The following SPMIP4 variants were observed in gnomAD, a reference collection of about 807,000 sequenced individuals.
SPMIP4 encodes sperm microtubule inner protein 4.
At chr7:25,168,373 T>G in the SPMIP4 span, 2 of 1,613,582 alleles carry the variant, frequency 1.2e-6, no homozygotes, top group Admixed American at 3.3e-5. Context: ...CCTGTGGTCC[T>G]CGGGGAGTGA....
chr7:25,154,794 A>G, the SPMIP4 span, among the ~76,000 whole-genome samples: 88,235 of 151,944 alleles, frequency 0.58, 25,903 homozygotes, highest in Middle Eastern at 0.64. Flanking sequence ...AGGCTGTGTC[A>G]AGGGGAAAGT....
chr7:25,171,710 C>T, the SPMIP4 span, among the ~76,000 whole-genome samples: 2 of 152,158 alleles, frequency 1.3e-5, no homozygotes, highest in African/African-American at 2.4e-5. Flanking sequence ...TAGGGCAGGG[C>T]TGATCCTGGC....
chr7:25,173,232 A>G, the SPMIP4 span, among the ~76,000 whole-genome samples: 2 of 152,170 alleles, frequency 1.3e-5, no homozygotes, highest in African/African-American at 4.8e-5. The surrounding 1 kb of genome is among the most constrained non-coding windows in gnomAD (Gnocchi z 4.4). Context: ...CCCACCTGTA[A>G]TAATTGTTGA....
At chr7:25,128,432 T>C in the SPMIP4 span, among the ~76,000 whole-genome samples, 1 of 152,200 alleles carries the variant, frequency 6.6e-6, no homozygotes, top group Non-Finnish European at 1.5e-5. This position sits in a 1 kb window ranked among gnomAD's most constrained non-coding sequence, Gnocchi z 4.5. Flanking sequence ...ATTCTCACTC[T>C]TCCCTCCTCT....
At chr7:25,146,894 C>A in the SPMIP4 span, among the ~76,000 whole-genome samples, 2 of 152,226 alleles carry the variant, frequency 1.3e-5, no homozygotes, top group Non-Finnish European at 2.9e-5. Context: ...AGAGACTATT[C>A]TCATATCCTA....
the SPMIP4 span, chr7:25,142,634 T>C: frequency 6.2e-7 from 1 of 1,602,558 alleles, no homozygotes; most frequent in East Asian, 2.2e-5. Flanking sequence ...GAAAGTGAAC[T>C]CATACCTGTA....
chr7:25,147,754 T>C, the SPMIP4 span, among the ~76,000 whole-genome samples: 1 of 152,244 alleles, frequency 6.6e-6, no homozygotes, highest in African/African-American at 2.4e-5. Context: ...ATAATACCGA[T>C]AGCAGCTAAT....
At chr7:25,150,824 T>G in the SPMIP4 span, among the ~76,000 whole-genome samples, 1 of 152,212 alleles carries the variant, frequency 6.6e-6, no homozygotes, top group African/African-American at 2.4e-5. Context: ...AGGAGGTTAT[T>G]GAAAGGGTTA....
At chr7:25,130,382 G>A in the SPMIP4 span, among the ~76,000 whole-genome samples, 587 of 142,982 alleles carry the variant, frequency 4.1e-3, 8 homozygotes, top group African/African-American at 0.015. Flanking sequence ...GCGCGATCTC[G>A]GCTCACTGCA....
the SPMIP4 span, chr7:25,135,702 G>A: frequency 4.2e-6 from 4 of 962,816 alleles, no homozygotes; most frequent in African/African-American, 5.2e-5. Context: ...AAATTTCCTT[G>A]TATAATCTGA....
the SPMIP4 span, among the ~76,000 whole-genome samples, chr7:25,152,505 C>G: frequency 6.6e-6 from 1 of 152,126 alleles, no homozygotes; most frequent in Non-Finnish European, 1.5e-5. Context: ...CAATTTTTAA[C>G]ATTACTATAA....
At chr7:25,135,016 G>A in the SPMIP4 span, 2 of 794,626 alleles carry the variant, frequency 2.5e-6, no homozygotes, top group South Asian at 1.1e-4. Flanking sequence ...TGACATGTTG[G>A]TCATAAAATT....
At chr7:25,166,230 C>CTT in the SPMIP4 span, among the ~76,000 whole-genome samples, 7 of 69,230 alleles carry the variant, frequency 1.0e-4, no homozygotes, top group Non-Finnish European at 2.0e-4. Context: ...TTCTTTCCGT[C>CTT]TTCTTTTTTT....
At chr7:25,150,696 C>T in the SPMIP4 span, among the ~76,000 whole-genome samples, 3 of 152,188 alleles carry the variant, frequency 2.0e-5, no homozygotes, top group South Asian at 6.2e-4. Context: ...AGTTATGGGA[C>T]AGAGGTTAAG....
At chr7:25,147,124 T>C in the SPMIP4 span, among the ~76,000 whole-genome samples, 4 of 152,058 alleles carry the variant, frequency 2.6e-5, no homozygotes, top group African/African-American at 9.7e-5. Flanking sequence ...GGTGAACCCA[T>C]CTCTACTAAA....
At chr7:25,144,644 G>A in the SPMIP4 span, among the ~76,000 whole-genome samples, 1 of 152,240 alleles carries the variant, frequency 6.6e-6, no homozygotes, top group Non-Finnish European at 1.5e-5. Flanking sequence ...GGGAGACAGA[G>A]GAGCATGGGC....
At chr7:25,160,410 T>C in the SPMIP4 span, among the ~76,000 whole-genome samples, 1 of 152,184 alleles carries the variant, frequency 6.6e-6, no homozygotes, top group African/African-American at 2.4e-5. Context: ...GTGATTCTCC[T>C]GCCTCAGCCT....
At chr7:25,169,978 T>C in the SPMIP4 span, among the ~76,000 whole-genome samples, 1 of 152,236 alleles carries the variant, frequency 6.6e-6, no homozygotes, top group Non-Finnish European at 1.5e-5. Flanking sequence ...TTTTCACCTT[T>C]TAACTCTCGT....
the SPMIP4 span, among the ~76,000 whole-genome samples, chr7:25,130,603 C>A: frequency 1.3e-5 from 2 of 152,118 alleles, no homozygotes; most frequent in Non-Finnish European, 2.9e-5. Context: ...TGTGAGCCAC[C>A]GCGCCCAGCC....
Sources: gnomAD v4.1 joint callset for allele counts (sites outside exome capture counted in the v4.1 genomes callset) on GRCh38, gnomAD v4.1.1 for gene constraint, Gnocchi (gnomAD v3.1) non-coding constraint, MANE v1.5 for transcripts, NCBI Gene and HGNC (gene_info 2026-07-23, HGNC 2026-07-21) for gene names.